The following STOX2 variants were observed in gnomAD, a reference collection of about 807,000 sequenced individuals.
STOX2 encodes the protein storkhead-box protein 2.
A neutral mutation model predicts 60.9 loss-of-function variants in STOX2; 28 were observed. That is an observed-to-expected ratio of 0.46 (90% CI 0.34 to 0.63). The LOEUF (loss-of-function observed/expected upper bound fraction) is 0.63, where lower values mean the gene tolerates loss of function less well. Ranked by LOEUF, STOX2 falls within the 30% of genes least tolerant of loss-of-function variation. The pLI is 0.01. For synonymous variants in STOX2, 472 were observed against 463.9 expected, an observed-to-expected ratio of 1.02 and a Z score of -0.22; for missense variants, 1,024 against 1,187.7, an observed-to-expected ratio of 0.86 and a Z score of 2.03.
intron 1 of STOX2, among the ~76,000 whole-genome samples, chr4:183,846,980 GC>G (rs1316660985): frequency 1.3e-4 from 20 of 152,094 alleles, no homozygotes; most frequent in African/African-American, 4.8e-4. Flanking sequence ...GTTAAGTTCT[GC>G]CTTCTTTGTC....
At chr4:183,848,836 T>C (rs1740044936) in intron 1 of STOX2, among the ~76,000 whole-genome samples, 2 of 152,192 alleles carry the variant, frequency 1.3e-5, no homozygotes, top group African/African-American at 2.4e-5. Flanking sequence ...CAAAGTAAGC[T>C]AAAGCCTGTG....
rs1276638786 is a variant in STOX2 at position 183,825,306 on chromosome 4, A to C, written c.364+27251A>C. On this transcript the variant is annotated intron_variant, in intron 1 of 2. Coordinates refer to the STOX2 transcript ENST00000513034. This position sits in a 1 kb window ranked among gnomAD's most constrained non-coding sequence, Gnocchi z 4.1. ...GAGGAAGGAAGGACGTGTTCTTAGG[A>C]GGGAGATGCAGCTGATGAGGCTTCC... Among the ~76,000 whole-genome samples, 1 of 152,076 alleles carries C rather than the reference A, an allele frequency of 6.6e-6. No individual in the cohort carries two copies. Among genetic ancestry groups the C allele is most frequent in the East Asian group, 1.9e-4 (1 of 5,172 alleles).
intron 1 of STOX2, among the ~76,000 whole-genome samples, chr4:183,849,452 C>T (rs1310367708): frequency 2.0e-5 from 3 of 152,106 alleles, no homozygotes; most frequent in Non-Finnish European, 2.9e-5. Context: ...GATGTAGCTT[C>T]GTAGGAGATA....
intron 1 of STOX2, among the ~76,000 whole-genome samples, chr4:183,969,461 G>T (rs1743674023): frequency 1.3e-5 from 2 of 152,086 alleles, no homozygotes; most frequent in African/African-American, 4.8e-5. Flanking sequence ...CAGCAACACG[G>T]TTTGCTTTGT....
chr4:183,803,181 C>T (rs184321088), intron 1 of STOX2, among the ~76,000 whole-genome samples: 247 of 152,216 alleles, frequency 1.6e-3, no homozygotes, highest in Non-Finnish European at 2.8e-3. Flanking sequence ...GGGAAAGATC[C>T]GTCCCCATAA....
chr4:183,874,952 A>AAT lies in STOX2; in HGVS notation c.364+76937_364+76938dup, dbSNP rs759209967. 4.5e-3 allele frequency among the ~76,000 whole-genome samples: 200 copies of AAT among 44,598 alleles called. 2 individuals are homozygous for AAT. Among genetic ancestry groups the AAT allele is most frequent in the Middle Eastern group, 0.021 (1 of 48 alleles). The allele number at this position is 44,598 out of a possible 152,430, so 29.3% of individuals were successfully genotyped here. The stretch of plus-strand genomic sequence containing the variant: ...AAAAAAAAAAAAAAAAAAAAAAAAA[A>AAT]ATATATATATATATATATATATATA... On this transcript the variant is annotated intron_variant, in intron 1 of 2. Coordinates refer to the STOX2 transcript ENST00000513034.
At chr4:183,946,627 G>T (rs1456394366) in intron 1 of STOX2, among the ~76,000 whole-genome samples, 6 of 131,368 alleles carry the variant, frequency 4.6e-5, no homozygotes, top group African/African-American at 1.8e-4. Context: ...CATAGTTGTG[G>T]TTTTTTTTTT....
intron 1 of STOX2, among the ~76,000 whole-genome samples, chr4:183,815,726 C>T (rs1739138494): frequency 6.6e-6 from 1 of 152,152 alleles, no homozygotes; most frequent in Non-Finnish European, 1.5e-5. Context: ...ACCTTGTGGT[C>T]CTCAGCATGG....
intron 1 of STOX2, among the ~76,000 whole-genome samples, chr4:183,908,870 AT>A (rs1741698866): frequency 6.6e-6 from 1 of 152,170 alleles, no homozygotes; most frequent in African/African-American, 2.4e-5. Context: ...AGACCAAAAG[AT>A]GGAAGAAAAG....
chr4:183,959,239 GGAAATCT>G, intron 1 of STOX2, among the ~76,000 whole-genome samples: 1 of 152,090 alleles, frequency 6.6e-6, no homozygotes, highest in East Asian at 1.9e-4. Context: ...TGTGTTATGT[GGAAATCT>G]GAAATCTGAA....
At chr4:183,973,108 C>T (rs28413105) in intron 1 of STOX2, among the ~76,000 whole-genome samples, 7,176 of 151,920 alleles carry the variant, frequency 0.047, 574 homozygotes, top group African/African-American at 0.16. Flanking sequence ...ATGTGTGAGA[C>T]CATACCAAAA....
At chr4:183,855,391 T>C (rs1740262370) in intron 1 of STOX2, among the ~76,000 whole-genome samples, 1 of 152,208 alleles carries the variant, frequency 6.6e-6, no homozygotes, top group Non-Finnish European at 1.5e-5. Flanking sequence ...CCGTGAGCCT[T>C]TCTGGACTCT....
At chr4:183,801,851 A>G (rs1738771194) in intron 1 of STOX2, among the ~76,000 whole-genome samples, 1 of 151,776 alleles carries the variant, frequency 6.6e-6, no homozygotes, top group Non-Finnish European at 1.5e-5. Flanking sequence ...CTGTGTTACA[A>G]TGAGAATTCC....
Position 183,966,263 on chromosome 4 carries a change from G to A in STOX2, c.167-35062G>A, listed in dbSNP as rs188777993. ...AGGTGTGGGTGAGGATGGAGCCTTCGAGAGCTCTCTTTTAGACGCCAGCAG... is the reference window on the plus strand; with the variant it reads ...AGGTGTGGGTGAGGATGGAGCCTTCAAGAGCTCTCTTTTAGACGCCAGCAG... On this transcript the variant is annotated intron_variant, in intron 1 of 3. Coordinates refer to ENST00000308497, the MANE Select transcript of STOX2 (RefSeq NM_020225.3). Among the ~76,000 whole-genome samples the A allele has an allele frequency of 9.1e-4, 138 of 152,298 alleles. 2 individuals carry two copies. The highest frequency in any genetic ancestry group is 5.6e-3 in the South Asian group (27 of 4,820).
At chr4:183,892,391 G>A (rs1224619173) in intron 1 of STOX2, among the ~76,000 whole-genome samples, 1 of 152,168 alleles carries the variant, frequency 6.6e-6, no homozygotes, top group Non-Finnish European at 1.5e-5. Context: ...CCATTCTCCT[G>A]CCTCAGCCTC....
At chr4:183,981,746 T>C (rs1463350193) in intron 1 of STOX2, among the ~76,000 whole-genome samples, 1 of 152,208 alleles carries the variant, frequency 6.6e-6, no homozygotes, top group African/African-American at 2.4e-5. Flanking sequence ...AAATTAGATA[T>C]CTGCATACTT....
At chr4:183,890,311 C>T (rs141389055) in intron 1 of STOX2, among the ~76,000 whole-genome samples, 4 of 151,932 alleles carry the variant, frequency 2.6e-5, no homozygotes, top group Non-Finnish European at 5.9e-5. Context: ...GGTGAAATCC[C>T]GTCTCTACTA....
intron 1 of STOX2, among the ~76,000 whole-genome samples, chr4:183,911,832 T>C (rs1741789894): frequency 6.6e-6 from 1 of 152,228 alleles, no homozygotes; most frequent in Non-Finnish European, 1.5e-5. Context: ...CTTTTGAATT[T>C]AGGACATGTT....
chr4:184,014,624 T>A (rs1734294372), intron 3 of STOX2: 1 of 152,166 alleles, frequency 6.6e-6, no homozygotes, highest in Admixed American at 6.5e-5. Flanking sequence ...AGGAATATTT[T>A]TACTGCTAAC....
Sources: allele counts gnomAD v4.1 joint callset (sites outside exome capture counted in the v4.1 genomes callset), GRCh38; gene constraint gnomAD v4.1.1; non-coding constraint Gnocchi (gnomAD v3.1); transcripts MANE v1.5; gene names NCBI Gene and HGNC (gene_info 2026-07-23, HGNC 2026-07-21).